CCDC178: variants seen among roughly 807,000 people sequenced by gnomAD.
CCDC178 encodes coiled-coil domain-containing protein 178.
In CCDC178, 126 loss-of-function variants were observed where a neutral mutation model predicts 117.4. That is an observed-to-expected ratio of 1.07 (90% CI 0.93 to 1.24). The LOEUF is 1.24. Ranked by LOEUF, CCDC178 falls within the 50% of genes most tolerant of loss-of-function variation. CCDC178 has a pLI of 0.00. For missense variants in CCDC178, 1,030 were observed against 986.9 expected, an observed-to-expected ratio of 1.04 and a Z score of -0.59; for synonymous variants, 283 against 313.4, an observed-to-expected ratio of 0.90 and a Z score of 1.02.
chr18:33,187,114 A>G (rs112158108), intron 20 of CCDC178, among the ~76,000 whole-genome samples: 1 of 150,198 alleles, frequency 6.7e-6, no homozygotes, highest in Non-Finnish European at 1.5e-5. Flanking sequence ...AGAGAGAGAG[A>G]GACTGAGAGA....
intron 15 of CCDC178, among the ~76,000 whole-genome samples, chr18:33,240,603 T>C (rs919296140): frequency 1.3e-5 from 2 of 151,674 alleles, no homozygotes; most frequent in Non-Finnish European, 3.0e-5. Context: ...CACTAATAAA[T>C]ATGAAAACCT....
At chr18:32,997,024 C>T (rs2055526148) in intron 21 of CCDC178, among the ~76,000 whole-genome samples, 2 of 152,058 alleles carry the variant, frequency 1.3e-5, no homozygotes, top group African/African-American at 2.4e-5. Context: ...AGCTCACCCT[C>T]CCCCTCATAC....
intron 20 of CCDC178, among the ~76,000 whole-genome samples, chr18:33,095,548 G>T (rs956524711): frequency 1.3e-5 from 2 of 151,990 alleles, no homozygotes; most frequent in African/African-American, 2.4e-5. Flanking sequence ...CGCCCTAAGA[G>T]ATGTTGCACT....
chr18:33,403,270 T>C (rs1050745838), intron 3 of CCDC178, among the ~76,000 whole-genome samples: 3 of 152,166 alleles, frequency 2.0e-5, no homozygotes, highest in Non-Finnish European at 4.4e-5. Flanking sequence ...TAGAGAAATA[T>C]CTGTTCCGCC....
intron 12 of CCDC178, among the ~76,000 whole-genome samples, chr18:33,279,067 C>A (rs941469438): frequency 3.4e-4 from 52 of 152,166 alleles, no homozygotes; most frequent in African/African-American, 1.2e-3. Flanking sequence ...CCCTCACTCA[C>A]CACTCCTATT....
At chr18:33,292,293 G>T (rs1324968904) in intron 12 of CCDC178, among the ~76,000 whole-genome samples, 1 of 152,102 alleles carries the variant, frequency 6.6e-6, no homozygotes, top group African/African-American at 2.4e-5. Context: ...GAACAGGAGG[G>T]TATTATGTCA....
At chr18:33,100,846 T>G (rs542418722) in intron 20 of CCDC178, among the ~76,000 whole-genome samples, 1 of 152,014 alleles carries the variant, frequency 6.6e-6, no homozygotes, top group African/African-American at 2.4e-5. Context: ...GGTCAAGTTT[T>G]CTTCAAAATC....
At chr18:33,438,241 G>C (rs929833414) in intron 2 of CCDC178, among the ~76,000 whole-genome samples, 4 of 152,034 alleles carry the variant, frequency 2.6e-5, no homozygotes, top group African/African-American at 9.7e-5. Context: ...CCTCAGACCA[G>C]TCACATAAAG....
intron 12 of CCDC178, among the ~76,000 whole-genome samples, chr18:33,282,363 C>T (rs2060035640): frequency 1.3e-5 from 2 of 152,090 alleles, no homozygotes; most frequent in African/African-American, 4.8e-5. Context: ...CACCATACCT[C>T]TAGGCTCGAC....
chr18:33,021,015 G>A (rs1011818101), intron 21 of CCDC178, among the ~76,000 whole-genome samples: 8 of 152,264 alleles, frequency 5.3e-5, no homozygotes, highest in South Asian at 2.1e-4. Flanking sequence ...TATTTCTCAC[G>A]TAGGATTCAG....
At chr18:33,402,173 A>G (rs1396500172) in intron 3 of CCDC178, among the ~76,000 whole-genome samples, 1 of 152,208 alleles carries the variant, frequency 6.6e-6, no homozygotes, top group Non-Finnish European at 1.5e-5. Context: ...TTAAAAAGAG[A>G]TATCAGAGAA....
At chr18:33,224,453 C>T (rs1035456465) in intron 17 of CCDC178, among the ~76,000 whole-genome samples, 2 of 152,148 alleles carry the variant, frequency 1.3e-5, no homozygotes, top group South Asian at 4.1e-4. Context: ...CAAATGAGCA[C>T]AACTTTAGGA....
chr18:33,157,714 T>C (rs2144367586), intron 20 of CCDC178, among the ~76,000 whole-genome samples: 1 of 152,294 alleles, frequency 6.6e-6, no homozygotes, highest in East Asian at 1.9e-4. Flanking sequence ...CATCCTATAT[T>C]GATTTTAAGA....
intron 14 of CCDC178, among the ~76,000 whole-genome samples, chr18:33,261,247 C>A (rs886285539): frequency 6.6e-6 from 1 of 152,098 alleles, no homozygotes; most frequent in Non-Finnish European, 1.5e-5. Flanking sequence ...CCACGCCCGG[C>A]TAATTTTTTG....
At chr18:33,238,834 C>A (rs1328697555) in intron 15 of CCDC178, among the ~76,000 whole-genome samples, 1 of 152,016 alleles carries the variant, frequency 6.6e-6, no homozygotes, top group Non-Finnish European at 1.5e-5. Flanking sequence ...ACATTGTAGT[C>A]ACATTGTCCA....
intron 20 of CCDC178, among the ~76,000 whole-genome samples, chr18:33,115,277 C>G (rs903780919): frequency 1.3e-5 from 2 of 151,994 alleles, no homozygotes. Flanking sequence ...CCTGTAAAAT[C>G]TTTAGTATAA....
intron 4 of CCDC178, 23 bp from the exon 5 acceptor site, chr18:33,389,652 AT>A: frequency 8.0e-7 from 1 of 1,249,840 alleles, no homozygotes; most frequent in Non-Finnish European, 1.1e-6. Context: ...AAAAATACAT[AT>A]TTTAGTGAGT....
intron 21 of CCDC178, among the ~76,000 whole-genome samples, chr18:33,086,663 G>T (rs1035825614): frequency 1.1e-4 from 17 of 151,804 alleles, no homozygotes; most frequent in Admixed American, 5.3e-4. Context: ...TCTAAGAAGG[G>T]GATATAGTAC....
chr18:33,396,212 T>C (rs533640213), intron 4 of CCDC178, among the ~76,000 whole-genome samples: 509 of 152,156 alleles, frequency 3.3e-3, no homozygotes, highest in Non-Finnish European at 5.5e-3. Context: ...TCAACATCAA[T>C]AATAATCAGG....
Sources: allele counts gnomAD v4.1 joint callset (sites outside exome capture counted in the v4.1 genomes callset), GRCh38; gene constraint gnomAD v4.1.1; transcripts MANE v1.5; gene names NCBI Gene and HGNC (gene_info 2026-07-23, HGNC 2026-07-21).